TENM3: variants seen among roughly 807,000 people sequenced by gnomAD.
TENM3 encodes the protein teneurin transmembrane protein 3, also known as teneurin-3.
A neutral mutation model predicts 255.1 loss-of-function variants in TENM3; 63 were observed. That is an observed-to-expected ratio of 0.25 (90% CI 0.20 to 0.30). The LOEUF (loss-of-function observed/expected upper bound fraction) is 0.30. Ranked by LOEUF, TENM3 falls within the 10% of genes least tolerant of loss-of-function variation. The probability of loss-of-function intolerance (pLI) is 1.00; values close to 1 mark genes in which losing one functional copy is unlikely to be tolerated. For missense variants in TENM3, 2,929 were observed against 3,461.1 expected, an observed-to-expected ratio of 0.85 and a Z score of 3.86; for synonymous variants, 1,306 against 1,322.3, an observed-to-expected ratio of 0.99 and a Z score of 0.27.
intron 3 of TENM3, among the ~76,000 whole-genome samples, chr4:182,445,918 G>C (rs1339644521): frequency 1.3e-5 from 2 of 152,110 alleles, no homozygotes; most frequent in Non-Finnish European, 2.9e-5. Context: ...TGACATCATC[G>C]ATATGGCAAA....
intron 1 of TENM3, among the ~76,000 whole-genome samples, chr4:182,311,044 G>A (rs1181901037): frequency 3.3e-5 from 5 of 152,214 alleles, no homozygotes; most frequent in Admixed American, 2.6e-4. Context: ...CCAAGGCTGT[G>A]ATGGAAGAGA....
At chr4:182,691,546 A>G (rs935726454) in intron 12 of TENM3, among the ~76,000 whole-genome samples, 2 of 152,166 alleles carry the variant, frequency 1.3e-5, no homozygotes, top group African/African-American at 4.8e-5. Context: ...CACCCTGTCT[A>G]CCTGAAAGGG....
intron 1 of TENM3, among the ~76,000 whole-genome samples, chr4:182,293,013 A>T (rs180802340): frequency 3.5e-4 from 53 of 151,968 alleles, no homozygotes; most frequent in African/African-American, 1.3e-3. Context: ...TCATGAACAC[A>T]CTCTAGCTGC....
rs1375982604 is a variant in TENM3, at chr4:182,340,424, T to A, written c.233-6227T>A. 2.6e-5 allele frequency among the ~76,000 whole-genome samples: 4 copies of A among 152,150 alleles called. No homozygotes were observed. In the East Asian group the frequency reaches 7.7e-4, roughly 29 times the overall value. ...TATGTGGTTATGGGTATTAACAACA[T>A]ATTAATAGATAAATCAAGTAAGTAG... On this transcript the variant is annotated intron_variant, in intron 2 of 27. Transcript: ENST00000511685.
intron 3 of TENM3, among the ~76,000 whole-genome samples, chr4:182,413,769 C>T (rs1393790999): frequency 1.3e-5 from 2 of 152,176 alleles, no homozygotes; most frequent in Admixed American, 1.3e-4. Flanking sequence ...TAAACTACCA[C>T]TTCAGGTATA....
At chr4:181,821,626 A>G in the TENM3 span, 2 of 152,234 alleles carry the variant, frequency 1.3e-5, no homozygotes, top group Admixed American at 1.3e-4. Flanking sequence ...TGCTGTACAG[A>G]GAGCTTAAAT....
At chr4:182,175,061 G>C (rs1752372910) in intron 1 of TENM3, among the ~76,000 whole-genome samples, 1 of 152,010 alleles carries the variant, frequency 6.6e-6, no homozygotes. Flanking sequence ...AATACGTCCA[G>C]GCACATAACA....
At chr4:182,037,958 A>C in the TENM3 span, among the ~76,000 whole-genome samples, 1 of 152,240 alleles carries the variant, frequency 6.6e-6, no homozygotes, top group South Asian at 2.1e-4. Context: ...TAGCCTCCCA[A>C]GTAGCTGGGA....
Position 182,293,689 on chromosome 4 carries a change from G to A in TENM3, c.-75-30257G>A, listed in dbSNP as rs548313103. 4.6e-5 allele frequency among the ~76,000 whole-genome samples: 7 copies of A among 152,174 alleles called. No individual in the cohort carries two copies. In the East Asian group the frequency reaches 7.7e-4, roughly 17 times the overall value. Reference sequence around the variant, plus strand: ...ACAACGTTTGCCTTTGACTTTCGCCGTATCCTTTCTACTGTTCTCCAACAC... The same window carrying A: ...ACAACGTTTGCCTTTGACTTTCGCCATATCCTTTCTACTGTTCTCCAACAC... On this transcript the variant is annotated intron_variant, in intron 1 of 27. Transcript: ENST00000511685.
chr4:182,411,450 G>C (rs1406747703), intron 3 of TENM3, among the ~76,000 whole-genome samples: 1 of 152,112 alleles, frequency 6.6e-6, no homozygotes, highest in African/African-American at 2.4e-5. Flanking sequence ...CAAAGAGGAG[G>C]TTCTGAGTAT....
At chr4:182,310,413 C>T (rs182218645) in intron 1 of TENM3, among the ~76,000 whole-genome samples, 4 of 152,086 alleles carry the variant, frequency 2.6e-5, no homozygotes, top group Non-Finnish European at 2.9e-5. Flanking sequence ...TCTACGTAGA[C>T]GTCAGTGAGC....
chr4:182,416,513 T>G (rs1379557387), intron 3 of TENM3, among the ~76,000 whole-genome samples: 2 of 152,218 alleles, frequency 1.3e-5, no homozygotes, highest in African/African-American at 4.8e-5. Flanking sequence ...GTCTCATGAT[T>G]GTTTTTATTT....
chr4:182,566,054 A>G (rs1743762294), intron 3 of TENM3, among the ~76,000 whole-genome samples: 2 of 152,328 alleles, frequency 1.3e-5, no homozygotes, highest in East Asian at 1.9e-4. Flanking sequence ...AAGGTCAGAC[A>G]GGGTGTCTTT....
At chr4:182,580,457 A>C (rs2152355733) in intron 3 of TENM3, among the ~76,000 whole-genome samples, 1 of 152,004 alleles carries the variant, frequency 6.6e-6, no homozygotes, top group South Asian at 2.1e-4. Context: ...AATCTCTTTT[A>C]CCAAAAACAT....
At chr4:182,561,215 A>G (rs78648452) in intron 3 of TENM3, among the ~76,000 whole-genome samples, 1,605 of 152,164 alleles carry the variant, frequency 0.011, 40 homozygotes, top group East Asian at 0.081. Context: ...ATGTTTGTAG[A>G]GCTCTGTAAA....
At position 182,789,344 on chromosome 4, in the gene TENM3, G is replaced by A. The variant is rs1253358632; in HGVS notation, c.5556G>A (p.Arg1852=). The stretch of plus-strand genomic sequence containing the variant: ...ACGGACAGGGGAGGATCGTGTCTCG[G>A]GTCTTTGCTGATGGTAAAACATGGA... ...DYDGQGRIVS[R]VFADGKTWSY... The change falls in exon 25 of 28, where the codon CGG becomes CGA. Residue 1852 remains arginine, a synonymous_variant. Coordinates refer to ENST00000511685, the MANE Select transcript of TENM3 (RefSeq NM_001080477.4). The surrounding 1 kb of genome is among the most constrained non-coding windows in gnomAD (Gnocchi z 4.4). 1 of 1,613,752 alleles carries A rather than the reference G, an allele frequency of 6.2e-7. No individual in the cohort carries two copies. The highest frequency in any genetic ancestry group is 8.5e-7 in the Non-Finnish European group (1 of 1,179,836).
At chr4:181,642,268 T>C in the TENM3 span, among the ~76,000 whole-genome samples, 1 of 152,200 alleles carries the variant, frequency 6.6e-6, no homozygotes, top group Non-Finnish European at 1.5e-5. Flanking sequence ...ATAAATGTCT[T>C]CTTTCAAGAA....
chr4:182,050,443 C>G, the TENM3 span, among the ~76,000 whole-genome samples: 1 of 152,150 alleles, frequency 6.6e-6, no homozygotes, highest in African/African-American at 2.4e-5. Flanking sequence ...CATGATACAG[C>G]AAAGGCCCAG....
intron 3 of TENM3, among the ~76,000 whole-genome samples, chr4:182,545,238 T>C (rs1175176157): frequency 6.6e-6 from 1 of 152,234 alleles, no homozygotes; most frequent in Admixed American, 6.5e-5. Context: ...TTACTTGATA[T>C]GTCTGTTTGC....
Sources: allele counts gnomAD v4.1 joint callset (sites outside exome capture counted in the v4.1 genomes callset), GRCh38; gene constraint gnomAD v4.1.1; non-coding constraint Gnocchi (gnomAD v3.1); transcripts MANE v1.5; gene names NCBI Gene and HGNC (gene_info 2026-07-23, HGNC 2026-07-21).